Variants in TUSC3 observed in about 807,000 individuals in gnomAD.
The protein encoded by TUSC3 is dolichyl-diphosphooligosaccharide--protein glycosyltransferase subunit TUSC3.
TUSC3 carries 45 observed loss-of-function variants against 44.8 expected under a neutral mutation model. That is an observed-to-expected ratio of 1.00 (90% confidence interval 0.79 to 1.29). The LOEUF (loss-of-function observed/expected upper bound fraction) is 1.29, where lower values mean the gene tolerates loss of function less well. Ranked by LOEUF, TUSC3 falls within the 50% of genes most tolerant of loss-of-function variation. The pLI is 0.00. For synonymous variants in TUSC3, 212 were observed against 152.9 expected (o/e 1.39, Z -2.85); for missense variants, 519 against 437.9 (o/e 1.19, Z -1.65).
intron 1 of TUSC3, among the ~76,000 whole-genome samples, chr8:15,457,189 GTT>G (rs1467373119): frequency 2.0e-5 from 2 of 98,176 alleles, no homozygotes; most frequent in African/African-American, 7.5e-5. Context: ...AGGGGGGAGG[GTT>G]AGCATTAGGA....
At chr8:15,551,796 A>C (rs1242727279) in intron 1 of TUSC3, among the ~76,000 whole-genome samples, 1 of 151,776 alleles carries the variant, frequency 6.6e-6, no homozygotes, top group Non-Finnish European at 1.5e-5. Context: ...ATGGGAGGGT[A>C]CTGGTTGTAT....
At chr8:15,668,566 T>C (rs1353401530) in intron 5 of TUSC3, among the ~76,000 whole-genome samples, 1 of 151,786 alleles carries the variant, frequency 6.6e-6, no homozygotes, top group Admixed American at 6.6e-5. Context: ...ATCAGATATG[T>C]ATATCAGTAA....
chr8:15,685,698 T>C (rs990118909), intron 6 of TUSC3, among the ~76,000 whole-genome samples: 1 of 152,144 alleles, frequency 6.6e-6, no homozygotes, highest in Non-Finnish European at 1.5e-5. Flanking sequence ...GCGCATAGTT[T>C]GTGGCAGTCA....
chr8:15,468,520 C>G (rs764864848), intron 1 of TUSC3, among the ~76,000 whole-genome samples: 3 of 152,290 alleles, frequency 2.0e-5, no homozygotes, highest in Admixed American at 1.3e-4. Context: ...TCCCTCTTCA[C>G]TCTGTCAAAT....
At chr8:15,611,878 A>G (rs1804777339) in intron 1 of TUSC3, among the ~76,000 whole-genome samples, 1 of 152,192 alleles carries the variant, frequency 6.6e-6, no homozygotes, top group Non-Finnish European at 1.5e-5. Context: ...TTAAGATCGA[A>G]TTTCCAACAT....
At chr8:15,796,920 G>GT in the TUSC3 span, among the ~76,000 whole-genome samples, 1 of 152,256 alleles carries the variant, frequency 6.6e-6, no homozygotes, top group African/African-American at 2.4e-5. Context: ...AGTAGGTCAT[G>GT]TTTTTTATGT....
intron 4 of TUSC3, among the ~76,000 whole-genome samples, chr8:15,660,999 C>G (rs909118106): frequency 6.6e-6 from 1 of 151,064 alleles, no homozygotes; most frequent in Non-Finnish European, 1.5e-5. Context: ...AATGTATACC[C>G]TTTATTTAGG....
chr8:15,609,156 T>G (rs929005658), intron 1 of TUSC3, among the ~76,000 whole-genome samples: 1 of 152,220 alleles, frequency 6.6e-6, no homozygotes, highest in African/African-American at 2.4e-5. Flanking sequence ...AAAAATTAAC[T>G]CAATTTTACA....
the TUSC3 span, among the ~76,000 whole-genome samples, chr8:15,842,343 T>C: frequency 6.6e-6 from 1 of 152,290 alleles, no homozygotes; most frequent in Admixed American, 6.5e-5. Flanking sequence ...TCAGTCTTAA[T>C]ACTTACCTCA....
chr8:15,758,878 T>G (rs1812048500), intron 10 of TUSC3, among the ~76,000 whole-genome samples: 1 of 152,098 alleles, frequency 6.6e-6, no homozygotes, highest in Non-Finnish European at 1.5e-5. Flanking sequence ...AAAGCTTCCA[T>G]TCCCAGAGAT....
At chr8:15,762,411 C>T (rs189790741) in intron 10 of TUSC3, among the ~76,000 whole-genome samples, 21 of 151,980 alleles carry the variant, frequency 1.4e-4, no homozygotes, top group African/African-American at 4.6e-4. Context: ...AAAACAGTAG[C>T]ATAACTAAAG....
chr8:15,530,499 T>C (rs868272792), intron 2 of TUSC3, among the ~76,000 whole-genome samples: 7 of 152,146 alleles, frequency 4.6e-5, no homozygotes, highest in Admixed American at 2.6e-4. Context: ...ATTTTACAAA[T>C]AAAGAAACTG....
intron 7 of TUSC3, among the ~76,000 whole-genome samples, chr8:15,739,913 T>G (rs1334272946): frequency 8.6e-6 from 1 of 116,646 alleles, no homozygotes; most frequent in African/African-American, 3.3e-5. Flanking sequence ...TGGGCTTCAG[T>G]TTCCTTGTTT....
chr8:15,742,756 G>A (rs1039953847), intron 7 of TUSC3, among the ~76,000 whole-genome samples: 11 of 152,188 alleles, frequency 7.2e-5, no homozygotes, highest in South Asian at 2.1e-4. Flanking sequence ...TCGCTTGGGC[G>A]AAATACATAT....
rs572477418 is a variant in TUSC3 at position 15,670,587 on chromosome 8, G to C, written c.709-3160G>C. 1.4e-4 allele frequency among the ~76,000 whole-genome samples: 22 copies of C among 151,978 alleles called. 1 individual carries two copies. The highest frequency in any genetic ancestry group is 2.1e-4 in the South Asian group (1 of 4,828). ...AATGCGAACATTAGCACTTTTAGAAGAAAGCATGGATATGTATCTCCATAA... is the reference window on the plus strand; with the variant it reads ...AATGCGAACATTAGCACTTTTAGAACAAAGCATGGATATGTATCTCCATAA... On this transcript the variant is annotated intron_variant, in intron 5 of 10. Coordinates refer to ENST00000503731, the MANE Select transcript of TUSC3 (RefSeq NM_006765.4).
intron 2 of TUSC3, among the ~76,000 whole-genome samples, chr8:15,492,444 G>A (rs963247423): frequency 1.3e-5 from 2 of 152,166 alleles, no homozygotes; most frequent in Non-Finnish European, 2.9e-5. Context: ...AAAGTCAGTA[G>A]GGGGAAAGTC....
chr8:15,733,973 G>A (rs1585280475), intron 7 of TUSC3, among the ~76,000 whole-genome samples: 1 of 152,180 alleles, frequency 6.6e-6, no homozygotes, highest in African/African-American at 2.4e-5. Context: ...GAGCCCGGGA[G>A]GTCAAGGCTG....
At chr8:15,591,994 G>C (rs1379256009) in intron 1 of TUSC3, among the ~76,000 whole-genome samples, 1 of 152,148 alleles carries the variant, frequency 6.6e-6, no homozygotes, top group Non-Finnish European at 1.5e-5. Context: ...CCTTCAGGAG[G>C]CAGCTATAGT....
chr8:15,562,478 A>T (rs1271989909), intron 1 of TUSC3, among the ~76,000 whole-genome samples: 1 of 152,166 alleles, frequency 6.6e-6, no homozygotes, highest in African/African-American at 2.4e-5. Flanking sequence ...GCCACAATTT[A>T]GTGGCTTAAA....
Sources: allele counts gnomAD v4.1 joint callset (sites outside exome capture counted in the v4.1 genomes callset), GRCh38; gene constraint gnomAD v4.1.1; transcripts MANE v1.5; gene names NCBI Gene and HGNC (gene_info 2026-07-23, HGNC 2026-07-21).